The following RELN variants were observed in gnomAD, a reference collection of about 807,000 sequenced individuals.
The protein encoded by RELN is reelin.
Under a neutral mutation model 427.6 loss-of-function variants are expected in RELN, and 108 were observed. That is an observed-to-expected ratio of 0.25 (90% CI 0.22 to 0.30). RELN has a LOEUF of 0.30. RELN is among the 10% of genes least tolerant of loss of function. The probability of loss-of-function intolerance (pLI) is 1.00; values close to 1 mark genes in which losing one functional copy is unlikely to be tolerated. For missense variants in RELN, 3,715 were observed against 4,302.8 expected (o/e 0.86, Z 3.82); for synonymous variants, 1,524 against 1,513.4 (o/e 1.01, Z -0.16).
At chr7:103,806,991 G>T (rs1409582212) in intron 3 of RELN, among the ~76,000 whole-genome samples, 1 of 152,140 alleles carries the variant, frequency 6.6e-6, no homozygotes, top group Non-Finnish European at 1.5e-5. Context: ...CTAAGGTAGA[G>T]AGACACATGA....
Position 103,740,403 on chromosome 7 carries a change from T to C in RELN, c.656+9023A>G, listed in dbSNP as rs113108577. ...GGTCTAATGTGGGAAGGAGGCTTACTTTTACTGCTTATATTTTTGGATTAT... is the reference window on the plus strand; with the variant it reads ...GGTCTAATGTGGGAAGGAGGCTTACCTTTACTGCTTATATTTTTGGATTAT... On this transcript the variant is annotated intron_variant, in intron 6 of 64. Transcript: ENST00000428762. Among the ~76,000 whole-genome samples, 319 of 152,292 alleles carry C rather than the reference T, an allele frequency of 2.1e-3. 1 individual carries two copies. Among genetic ancestry groups the C allele is most frequent in the African/African-American group, 7.5e-3 (311 of 41,570 alleles).
chr7:103,885,576 C>G (rs575777093), intron 2 of RELN, among the ~76,000 whole-genome samples: 1 of 151,870 alleles, frequency 6.6e-6, no homozygotes, highest in Non-Finnish European at 1.5e-5. Context: ...CATCACACAC[C>G]GGGGCCTGTT....
At chr7:103,499,788 G>A (rs964986725) in intron 53 of RELN, among the ~76,000 whole-genome samples, 1 of 152,130 alleles carries the variant, frequency 6.6e-6, no homozygotes, top group African/African-American at 2.4e-5. Context: ...ATAATTTATA[G>A]ATTTGTACAA....
intron 15 of RELN, 68 bp downstream of exon 15, chr7:103,651,593 T>C: frequency 6.7e-7 from 1 of 1,494,848 alleles, no homozygotes; most frequent in African/African-American, 1.4e-5. Flanking sequence ...AATTTCAGGA[T>C]AACTCATTGA....
intron 1 of RELN, among the ~76,000 whole-genome samples, chr7:103,937,399 T>G (rs952271191): frequency 6.6e-6 from 1 of 152,224 alleles, no homozygotes; most frequent in Non-Finnish European, 1.5e-5. Context: ...TAGGCTGGGT[T>G]TATACTTTCT....
chr7:103,542,328 G>A (rs1830192665), intron 43 of RELN, among the ~76,000 whole-genome samples: 1 of 152,296 alleles, frequency 6.6e-6, no homozygotes, highest in South Asian at 2.1e-4. Flanking sequence ...TTTCAACTAA[G>A]CTTTCTACTA....
Position 103,976,303 on chromosome 7 carries a change from T to C in RELN, c.226+12828A>G, listed in dbSNP as rs965154369. 2.6e-5 allele frequency among the ~76,000 whole-genome samples: 4 copies of C among 152,336 alleles called. No homozygotes were observed. The East Asian group carries it at 5.8e-4, about 22-fold the overall frequency. ...CTGTTACAGGCAAATGGGGGAAATA[T>C]ACGATGTCTTAGGTGTAGACCAGAG... On this transcript the variant is annotated intron_variant, in intron 1 of 64. Coordinates refer to ENST00000428762, the MANE Select transcript of RELN (RefSeq NM_005045.4).
rs575622655 is a variant in RELN, at chr7:103,776,803, C to T, written c.474-176G>A. ...TGGAATGAAAGCTTAAACCAAGGCA[C>T]CTGGGTTGAGGACTGTCTTCTGGTT... On this transcript the variant is annotated intron_variant, in intron 3 of 64. Coordinates refer to ENST00000428762, the MANE Select transcript of RELN (RefSeq NM_005045.4). Among the ~76,000 whole-genome samples the T allele has an allele frequency of 2.6e-5, 4 of 152,266 alleles. No individual in the cohort carries two copies. In the South Asian group the frequency reaches 6.2e-4, roughly 24 times the overall value.
rs561570070 is a variant in RELN at position 103,636,111 on chromosome 7, C to T, written c.2303+124G>A. 2.9e-4 allele frequency: 217 copies of T among 754,418 alleles called. 2 individuals carry two copies. Among genetic ancestry groups the T allele is most frequent in the South Asian group, 2.6e-3 (170 of 65,358 alleles). 46.7% of individuals were successfully genotyped at this position (754,418 alleles called of 1,614,324 possible). A position where few individuals can be genotyped will look rare whatever the true frequency, so the allele number is the denominator to read the frequency against. On this transcript the variant is annotated intron_variant, in intron 18 of 64. Coordinates refer to ENST00000428762, the MANE Select transcript of RELN (RefSeq NM_005045.4). ...TTAACTCTCAATAAACTGTAGGCTC[C>T]CTCCAACCCTAGTTAAAAATGAGAT... is the stretch of plus-strand genomic sequence containing the variant.
At chr7:103,531,523 T>G (rs967805028) in intron 46 of RELN, among the ~76,000 whole-genome samples, 3 of 152,166 alleles carry the variant, frequency 2.0e-5, no homozygotes, top group Non-Finnish European at 2.9e-5. Context: ...TCCGTTCAGT[T>G]TTGCAACTCA....
At chr7:103,898,730 T>C (rs1298342556) in intron 2 of RELN, among the ~76,000 whole-genome samples, 1 of 152,118 alleles carries the variant, frequency 6.6e-6, no homozygotes, top group Non-Finnish European at 1.5e-5. Flanking sequence ...TCTTTGTAAA[T>C]GCTCTGAGTT....
intron 3 of RELN, among the ~76,000 whole-genome samples, chr7:103,780,163 C>A (rs1280353052): frequency 6.6e-6 from 1 of 152,224 alleles, no homozygotes; most frequent in Non-Finnish European, 1.5e-5. Context: ...TCTTGGCCAG[C>A]AACTCCTTGC....
chr7:103,522,302 GA>G, intron 47 of RELN, 103 bp from the exon 48 acceptor site: 1 of 1,162,524 alleles, frequency 8.6e-7, no homozygotes, highest in South Asian at 1.3e-5. Flanking sequence ...CCAAGATGAT[GA>G]AAAGTTACTG....
At chr7:103,806,537 C>T (rs1206821160) in intron 3 of RELN, among the ~76,000 whole-genome samples, 1 of 152,060 alleles carries the variant, frequency 6.6e-6, no homozygotes, top group Non-Finnish European at 1.5e-5. Flanking sequence ...ATTGGCCAGG[C>T]TGGTCTTGAA....
At chr7:103,681,262 C>G (rs1448848897) in intron 11 of RELN, among the ~76,000 whole-genome samples, 1 of 152,050 alleles carries the variant, frequency 6.6e-6, no homozygotes, top group Non-Finnish European at 1.5e-5. Context: ...TCAGGGACTT[C>G]GAAGTTTAAT....
At chr7:103,913,993 C>G (rs2116661639) in intron 2 of RELN, among the ~76,000 whole-genome samples, 1 of 152,248 alleles carries the variant, frequency 6.6e-6, no homozygotes, top group Admixed American at 6.5e-5. Flanking sequence ...TGCCCAAGCT[C>G]AAAAGTGTCT....
At chr7:103,721,743 A>G (rs1239506967) in intron 8 of RELN, among the ~76,000 whole-genome samples, 3 of 152,166 alleles carry the variant, frequency 2.0e-5, no homozygotes, top group Non-Finnish European at 4.4e-5. Context: ...TCTGAAACTA[A>G]TGTTCATCTC....
At chr7:103,553,886 C>T (rs1472430527) in intron 38 of RELN, 55 bp from the exon 39 acceptor site, 17 of 1,465,178 alleles carry the variant, frequency 1.2e-5, no homozygotes, top group Non-Finnish European at 1.5e-5. Flanking sequence ...CAAATGAACA[C>T]TTTTGCTCAT....
chr7:103,653,668 G>A (rs1174887278), intron 13 of RELN, among the ~76,000 whole-genome samples: 2 of 151,994 alleles, frequency 1.3e-5, no homozygotes, highest in East Asian at 1.9e-4. Flanking sequence ...ACCTCAATCG[G>A]TAGCTCTAGT....
Sources: gnomAD v4.1 joint callset for allele counts (sites outside exome capture counted in the v4.1 genomes callset) on GRCh38, gnomAD v4.1.1 for gene constraint, MANE v1.5 for transcripts, NCBI Gene and HGNC (gene_info 2026-07-23, HGNC 2026-07-21) for gene names.